The following ARHGAP24 variants were observed in gnomAD, a reference collection of about 807,000 sequenced individuals.
ARHGAP24 encodes the protein rho GTPase-activating protein 24.
Under a neutral mutation model 76.4 loss-of-function variants are expected in ARHGAP24, and 50 were observed. The observed-to-expected ratio is 0.65, with a 90% CI of 0.52 to 0.83. The LOEUF is 0.83. ARHGAP24 is among the 40% of genes least tolerant of loss of function. The pLI, the probability that ARHGAP24 is intolerant of heterozygous loss-of-function variation, is 0.00. For synonymous variants in ARHGAP24, 345 were observed against 323.3 expected (o/e 1.07, Z -0.72); for missense variants, 930 against 914.2 (o/e 1.02, Z -0.22).
In ARHGAP24 at chr4:85,617,027, G is replaced by A. The variant is rs921318092; in HGVS notation, c.180+46306G>A. Among the ~76,000 whole-genome samples, 14 of 148,764 alleles carry A rather than the reference G, an allele frequency of 9.4e-5. 1 individual carries two copies. The highest frequency in any genetic ancestry group is 8.8e-4 in the Admixed American group (13 of 14,838). ...ACCAAAGTAGTAGGAAAGCATAACA[G>A]TTTTCATGTATCTATATATTTAACA... On this transcript the variant is annotated intron_variant, in intron 2 of 9. Coordinates refer to ENST00000395184, the MANE Select transcript of ARHGAP24 (RefSeq NM_001025616.3).
intron 2 of ARHGAP24, among the ~76,000 whole-genome samples, chr4:85,646,853 A>T (rs1721740871): frequency 6.6e-6 from 1 of 152,116 alleles, no homozygotes; most frequent in East Asian, 1.9e-4. Context: ...ATTTTAATTC[A>T]ACCAACATTT....
chr4:85,557,401 C>T (rs1012965380), intron 1 of ARHGAP24, among the ~76,000 whole-genome samples: 1 of 152,340 alleles, frequency 6.6e-6, no homozygotes, highest in East Asian at 1.9e-4. Context: ...CAGACTCCCA[C>T]GTAGTTCTCT....
chr4:85,519,988 C>A (rs1189322520), intron 1 of ARHGAP24, among the ~76,000 whole-genome samples: 1 of 152,090 alleles, frequency 6.6e-6, no homozygotes, highest in African/African-American at 2.4e-5. Flanking sequence ...ATTCCTCTCA[C>A]CTTTCGTGTT....
At chr4:85,893,795 TG>T (rs1242039398) in intron 3 of ARHGAP24, among the ~76,000 whole-genome samples, 1 of 151,604 alleles carries the variant, frequency 6.6e-6, no homozygotes, top group Admixed American at 6.6e-5. Context: ...TCATGTCCTT[TG>T]TAGGGACATG....
At position 85,901,270 on chromosome 4, in the gene ARHGAP24, C is replaced by T. The variant is rs77568381; in HGVS notation, c.269-22378C>T. 2.5e-3 allele frequency among the ~76,000 whole-genome samples: 376 copies of T among 152,154 alleles called. 1 individual carries two copies. The highest frequency in any genetic ancestry group is 8.6e-3 in the African/African-American group (356 of 41,506). ...TGCAGACTAATCAGAGACCTGCCTTCATTTTAACTTGCTGTAACTCCCTTA... is the reference window on the plus strand; with the variant it reads ...TGCAGACTAATCAGAGACCTGCCTTTATTTTAACTTGCTGTAACTCCCTTA... On this transcript the variant is annotated intron_variant, in intron 3 of 9. Transcript: ENST00000395184.
At position 85,878,991 on chromosome 4, in the gene ARHGAP24, A is replaced by G. The variant is rs558143458; in HGVS notation, c.269-44657A>G. ...CAATCTCCACTGAGCAATTCAACCA[A>G]GTACACTACAAAACATTTCAATGAC... On this transcript the variant is annotated intron_variant, in intron 3 of 9. Transcript: ENST00000395184. Among the ~76,000 whole-genome samples the G allele has an allele frequency of 3.9e-5, 6 of 152,348 alleles. No homozygotes were observed. In the South Asian group the frequency reaches 1.2e-3, roughly 32 times the overall value.
chr4:85,598,027 A>T (rs911971060), intron 2 of ARHGAP24, among the ~76,000 whole-genome samples: 1 of 152,078 alleles, frequency 6.6e-6, no homozygotes, highest in Admixed American at 6.6e-5. Context: ...TAACTTGGAG[A>T]ATTATTTCAA....
intron 1 of ARHGAP24, among the ~76,000 whole-genome samples, chr4:85,487,541 CAT>C (rs1216201320): frequency 1.2e-4 from 12 of 101,450 alleles, no homozygotes; most frequent in Non-Finnish European, 1.7e-4. Flanking sequence ...ATTATATAAA[CAT>C]ATATTTATTA....
Position 85,942,314 on chromosome 4 carries a change from T to A in ARHGAP24, c.599+41T>A, listed in dbSNP as rs11097083. The A allele has an allele frequency of 0.22, 350,317 of 1,603,912 alleles. 40,989 individuals carry two copies. The highest frequency in any genetic ancestry group is 0.38 in the South Asian group (34,890 of 90,790). ...TTACTAGCCATCTTCACTGAGAAAT[T>A]CAGACTCAACTGACAGGATGCAGTG... On this transcript the variant is annotated intron_variant, in intron 5 of 9. Coordinates refer to ENST00000395184, the MANE Select transcript of ARHGAP24 (RefSeq NM_001025616.3).
chr4:85,697,498 A>T (rs1459024536), intron 2 of ARHGAP24, among the ~76,000 whole-genome samples: 1 of 151,230 alleles, frequency 6.6e-6, no homozygotes, highest in African/African-American at 2.5e-5. Context: ...AAGTATAATA[A>T]TAATAAATTT....
At chr4:85,928,018 C>T (rs1352933571) in intron 4 of ARHGAP24, among the ~76,000 whole-genome samples, 1 of 152,092 alleles carries the variant, frequency 6.6e-6, no homozygotes, top group Non-Finnish European at 1.5e-5. Context: ...ATAAAATACT[C>T]ATATGGGGCA....
At chr4:85,697,432 C>T (rs1254715897) in intron 2 of ARHGAP24, among the ~76,000 whole-genome samples, 1 of 152,018 alleles carries the variant, frequency 6.6e-6, no homozygotes, top group Non-Finnish European at 1.5e-5. Context: ...TCCAGCCTAT[C>T]GTTGTTGGAC....
At chr4:85,715,951 TA>T (rs767276780) in intron 2 of ARHGAP24, among the ~76,000 whole-genome samples, 1 of 152,138 alleles carries the variant, frequency 6.6e-6, no homozygotes, top group Non-Finnish European at 1.5e-5. Context: ...ATCGTTTTAA[TA>T]AAACCTGTTG....
intron 9 of ARHGAP24, among the ~76,000 whole-genome samples, chr4:85,998,102 G>T (rs1740790679): frequency 6.6e-6 from 1 of 152,138 alleles, no homozygotes; most frequent in Non-Finnish European, 1.5e-5. Flanking sequence ...CTGTTAATCA[G>T]GCTATTCAAA....
intron 3 of ARHGAP24, among the ~76,000 whole-genome samples, chr4:85,776,787 C>T (rs1404952278): frequency 1.3e-5 from 2 of 152,130 alleles, no homozygotes; most frequent in Non-Finnish European, 2.9e-5. Context: ...TTGACTCATT[C>T]CATGTAAAAC....
intron 1 of ARHGAP24, among the ~76,000 whole-genome samples, chr4:85,493,589 G>T (rs368895881): frequency 6.6e-6 from 1 of 152,012 alleles, no homozygotes; most frequent in Admixed American, 6.6e-5. Context: ...GTTGGCTCTT[G>T]TGCCCTTTCT....
At chr4:85,545,202 C>A (rs778268425) in intron 1 of ARHGAP24, among the ~76,000 whole-genome samples, 6 of 151,934 alleles carry the variant, frequency 3.9e-5, no homozygotes, top group Non-Finnish European at 8.8e-5. Flanking sequence ...TGGGTTCAAG[C>A]GATTCTCCTG....
intron 3 of ARHGAP24, among the ~76,000 whole-genome samples, chr4:85,814,549 G>A (rs1243982588): frequency 6.6e-6 from 1 of 152,168 alleles, no homozygotes; most frequent in East Asian, 1.9e-4. Context: ...GCTCCAAAAT[G>A]ATCTCCTTTG....
At chr4:85,646,636 ATATT>A (rs1364036325) in intron 2 of ARHGAP24, among the ~76,000 whole-genome samples, 1 of 152,038 alleles carries the variant, frequency 6.6e-6, no homozygotes. Flanking sequence ...CCAATTAACT[ATATT>A]TATTTAACAG....
Sources: gnomAD v4.1 joint callset for allele counts (sites outside exome capture counted in the v4.1 genomes callset) on GRCh38, gnomAD v4.1.1 for gene constraint, MANE v1.5 for transcripts, NCBI Gene and HGNC (gene_info 2026-07-23, HGNC 2026-07-21) for gene names.